Variants in B3GNT5 observed in about 807,000 individuals in gnomAD.
B3GNT5 encodes the protein lactosylceramide 1,3-N-acetyl-beta-D-glucosaminyltransferase.
Under a neutral mutation model 25.9 loss-of-function variants are expected in B3GNT5, and 11 were observed. The ratio of observed to expected loss-of-function variants is 0.42; its 90% confidence interval spans 0.27 to 0.70. The LOEUF is 0.70. Ranked by LOEUF, B3GNT5 falls within the 30% of genes least tolerant of loss-of-function variation. The pLI is 0.23. For synonymous variants in B3GNT5, 166 were observed against 158.6 expected, an observed-to-expected ratio of 1.05 and a Z score of -0.35; for missense variants, 385 against 458.4, an observed-to-expected ratio of 0.84 and a Z score of 1.46.
In B3GNT5 at chr3:183,272,234, G is replaced by T; in HGVS notation, c.*1299G>T. The T allele has an allele frequency of 1.0e-6, 1 of 1,000,178 alleles. No individual in the cohort carries two copies. The allele number at this position is 1,000,178 out of a possible 1,614,324, so 62.0% of individuals were successfully genotyped here. A position where few individuals can be genotyped will look rare whatever the true frequency, so the allele number is the denominator to read the frequency against. ...TTATTTTACAAAGCAGGATAAAAAT[G>T]TGGCTATAATACACACTACCTCCCT... is the stretch of plus-strand genomic sequence containing the variant. On this transcript the variant is annotated 3_prime_UTR_variant, in exon 2 of 2. Coordinates refer to ENST00000326505, the MANE Select transcript of B3GNT5 (RefSeq NM_032047.5).
chr3:183,256,450 T>TA (rs1239634735), intron 1 of B3GNT5, among the ~76,000 whole-genome samples: 1 of 152,204 alleles, frequency 6.6e-6, no homozygotes, highest in African/African-American at 2.4e-5. Flanking sequence ...AAGATTTGAA[T>TA]AAAAAAGCGA....
intron 1 of B3GNT5, among the ~76,000 whole-genome samples, chr3:183,256,280 T>G (rs1185162534): frequency 2.6e-5 from 4 of 152,196 alleles, no homozygotes; most frequent in Admixed American, 2.0e-4. Context: ...CCCTTTGATA[T>G]CGAATCTCTG....
At chr3:183,259,979 T>C (rs1468248493) in intron 1 of B3GNT5, among the ~76,000 whole-genome samples, 1 of 152,154 alleles carries the variant, frequency 6.6e-6, no homozygotes, top group Non-Finnish European at 1.5e-5. Flanking sequence ...TTCTCATCCA[T>C]CTTGGGTTGC....
chr3:183,253,577 T>G (rs1050702374), intron 1 of B3GNT5, 105 bp downstream of exon 1: 2 of 152,286 alleles, frequency 1.3e-5, no homozygotes, highest in Non-Finnish European at 2.9e-5. Flanking sequence ...GTTTCCTTAC[T>G]TTGTTACTGA....
chr3:183,270,445 A>C lies in B3GNT5; in HGVS notation c.647A>C (p.Gln216Pro). 6.2e-7 allele frequency: 1 copy of C among 1,614,220 alleles called. No homozygotes were observed. The highest frequency in any genetic ancestry group is 1.1e-5 in the South Asian group (1 of 91,086). Reference protein sequence around the residue: ...YLQSLEQIGVQDFWIGRVHRG... With the variant: ...YLQSLEQIGVPDFWIGRVHRG... ...CAAAGTTTAGAACAAATTGGTGTTC[A>C]AGACTTTTGGATTGGTCGTGTTCAT... The change falls in exon 2 of 2, where the codon CAA becomes CCA. Residue 216 changes from glutamine (Q) to proline (P), a missense_variant. Transcript: ENST00000326505. The surrounding 1 kb of genome is among the most constrained non-coding windows in gnomAD (Gnocchi z 4.5).
rs1233584837 is a variant in B3GNT5 at position 183,271,610 on chromosome 3, C to G, written c.*675C>G. On this transcript the variant is annotated 3_prime_UTR_variant, in exon 2 of 2. Transcript: ENST00000326505. ...AAAAGTGATTAATGTTGCCCTAATA[C>G]TTTATATGTTTTTAATGGATTTTTT... 1 of 166,862 alleles carries G rather than the reference C, an allele frequency of 6.0e-6. No individual in the cohort carries two copies. Among genetic ancestry groups the G allele is most frequent in the African/African-American group, 2.4e-5 (1 of 41,382 alleles). 10.3% of individuals were successfully genotyped at this position (166,862 alleles called of 1,614,324 possible). A position where few individuals can be genotyped will look rare whatever the true frequency, so the allele number is the denominator to read the frequency against.
chr3:183,256,973 G>C (rs1053894211), intron 1 of B3GNT5, among the ~76,000 whole-genome samples: 1 of 152,124 alleles, frequency 6.6e-6, no homozygotes, highest in African/African-American at 2.4e-5. Context: ...CATCAGATCA[G>C]TATTTTTAAA....
rs1470043016 is a variant in B3GNT5, at chr3:183,270,275, A to G, written c.477A>G (p.Gln159=). 6.2e-7 allele frequency: 1 copy of G among 1,614,246 alleles called. No individual in the cohort carries two copies. The change falls in exon 2 of 2, where the codon CAA becomes CAG. Residue 159 remains glutamine (Q), a synonymous_variant. Coordinates refer to ENST00000326505, the MANE Select transcript of B3GNT5 (RefSeq NM_032047.5). The surrounding 1 kb of genome is among the most constrained non-coding windows in gnomAD (Gnocchi z 4.5). ...EDQRYNDIIQ[Q]DFVDSFYNLT... is the part of the protein sequence containing the mutation. ...AAAGGTACAATGATATAATTCAGCA[A>G]GACTTTGTTGATTCTTTCTACAATC... is the stretch of plus-strand genomic sequence containing the variant.
intron 1 of B3GNT5, among the ~76,000 whole-genome samples, chr3:183,262,206 T>C (rs754494559): frequency 1.9e-4 from 28 of 150,648 alleles, no homozygotes; most frequent in Non-Finnish European, 1.0e-4. Context: ...GTTAGTCTTG[T>C]TTTATGATAC....
rs192043368 is a variant in B3GNT5, at chr3:183,272,052, C to G, written c.*1117C>G. 1.7e-6 allele frequency: 1 copy of G among 596,652 alleles called. No individual in the cohort carries two copies. The highest frequency in any genetic ancestry group is 2.0e-5 in the African/African-American group (1 of 49,460). The allele number at this position is 596,652 out of a possible 1,614,324, so 37.0% of individuals were successfully genotyped here. On this transcript the variant is annotated 3_prime_UTR_variant, in exon 2 of 2. Transcript: ENST00000326505. Reference sequence around the variant, plus strand: ...AAAACAATTTATTTTTCATCAATAACTGTCAGAGGTGATCTTTATTTTCTA... The same window carrying G: ...AAAACAATTTATTTTTCATCAATAAGTGTCAGAGGTGATCTTTATTTTCTA...
chr3:183,253,563 G>GT (rs1223848618), intron 1 of B3GNT5, 91 bp downstream of exon 1: 2 of 152,298 alleles, frequency 1.3e-5, no homozygotes, highest in African/African-American at 4.8e-5. Context: ...CTAGTTTGCT[G>GT]TAAGTTTCCT....
At chr3:183,258,060 T>A (rs1395798649) in intron 1 of B3GNT5, among the ~76,000 whole-genome samples, 1 of 131,438 alleles carries the variant, frequency 7.6e-6, no homozygotes, top group Non-Finnish European at 1.6e-5. Flanking sequence ...CTCCGCCTCC[T>A]GGGTTCAAGC....
rs569630969 is a variant in B3GNT5, at chr3:183,262,601, G to A, written c.-301-6897G>A. Among the ~76,000 whole-genome samples, 7 of 152,152 alleles carry A rather than the reference G, an allele frequency of 4.6e-5. No individual in the cohort carries two copies. The South Asian group carries it at 1.2e-3, about 27-fold the overall frequency. ...GTATGTTTTATAGAGGGAATGGTGA[G>A]TGTTGGGGAACTAGGGAGCCCATGA... On this transcript the variant is annotated intron_variant, in intron 1 of 1. Transcript: ENST00000326505.
Position 183,269,965 on chromosome 3 carries a change from A to T in B3GNT5, c.167A>T (p.Asp56Val). ...TACAGATACCTCATAAATAGCTATG[A>T]CTTTGTGAATGATACCCTGTCTCTT... is the stretch of plus-strand genomic sequence containing the variant. ...YSYRYLINSY[D>V]FVNDTLSLKH... The change falls in exon 2 of 2, where the codon GAC becomes GTC. Residue 56 changes from aspartate to valine, a missense_variant. Asp to Val is a radical substitution (Grantham distance 152, BLOSUM62 -3). Coordinates refer to ENST00000326505, the MANE Select transcript of B3GNT5 (RefSeq NM_032047.5). 1.2e-6 allele frequency: 2 copies of T among 1,614,160 alleles called. No homozygotes were observed. Among genetic ancestry groups the T allele is most frequent in the Non-Finnish European group, 1.7e-6 (2 of 1,180,036 alleles).
intron 1 of B3GNT5, among the ~76,000 whole-genome samples, chr3:183,261,995 CATAT>C (rs61309164): frequency 7.8e-6 from 1 of 128,626 alleles, no homozygotes; most frequent in African/African-American, 3.0e-5. Flanking sequence ...ATTGGGCATT[CATAT>C]ATATATATAT....
intron 1 of B3GNT5, among the ~76,000 whole-genome samples, chr3:183,262,149 ACT>A (rs1725659833): frequency 8.5e-6 from 1 of 118,136 alleles, no homozygotes; most frequent in African/African-American, 5.1e-5. Context: ...TATTATATAC[ACT>A]AAGGGTTAGT....
Position 183,270,220 on chromosome 3 carries a change from A to G in B3GNT5, c.422A>G (p.Glu141Gly). 2 of 1,614,216 alleles carry G rather than the reference A, an allele frequency of 1.2e-6. No homozygotes were observed. Among genetic ancestry groups the G allele is most frequent in the South Asian group, 1.1e-5 (1 of 91,076 alleles). ...ACTCCTAATCCACTGGAGGGAGAAG[A>G]ACTACAAAGAAAACTGGCTTGGGAA... Reference protein sequence around the residue: ...LGTPNPLEGEELQRKLAWEDQ... With the variant: ...LGTPNPLEGEGLQRKLAWEDQ... The change falls in exon 2 of 2, where the codon GAA (glutamate) becomes GGA (glycine). Residue 141 changes from glutamate (E) to glycine (G), a missense_variant. Glu to Gly is a moderately conservative substitution (Grantham distance 98). Coordinates refer to ENST00000326505, the MANE Select transcript of B3GNT5 (RefSeq NM_032047.5). This position sits in a 1 kb window ranked among gnomAD's most constrained non-coding sequence, Gnocchi z 4.5.
intron 1 of B3GNT5, among the ~76,000 whole-genome samples, chr3:183,261,589 A>AT (rs1157668438): frequency 6.6e-6 from 1 of 152,134 alleles, no homozygotes; most frequent in Non-Finnish European, 1.5e-5. Context: ...GGATCATTAT[A>AT]TTTTCATGAT....
chr3:183,255,840 A>G (rs1180351952), intron 1 of B3GNT5, among the ~76,000 whole-genome samples: 1 of 152,088 alleles, frequency 6.6e-6, no homozygotes, highest in African/African-American at 2.4e-5. Context: ...AAAACTTTCT[A>G]ATTCTCAAAA....
Sources: gnomAD v4.1 joint callset for allele counts (sites outside exome capture counted in the v4.1 genomes callset) on GRCh38, gnomAD v4.1.1 for gene constraint, Gnocchi (gnomAD v3.1) non-coding constraint, MANE v1.5 for transcripts, NCBI Gene and HGNC (gene_info 2026-07-23, HGNC 2026-07-21) for gene names.